The following RANBP17 variants were observed in gnomAD, a reference collection of about 807,000 sequenced individuals.
RANBP17 encodes ran-binding protein 17.
A neutral mutation model predicts 141.2 loss-of-function variants in RANBP17; 158 were observed. The ratio of observed to expected loss-of-function variants is 1.12; its 90% confidence interval spans 0.98 to 1.28. The LOEUF is 1.28. Ranked by LOEUF, RANBP17 falls within the 50% of genes most tolerant of loss-of-function variation. The pLI, the probability that RANBP17 is intolerant of heterozygous loss-of-function variation, is 0.00. For missense variants in RANBP17, 1,438 were observed against 1,290.7 expected (o/e 1.11, Z -1.75); for synonymous variants, 430 against 450.0 (o/e 0.96, Z 0.56).
intron 14 of RANBP17, among the ~76,000 whole-genome samples, chr5:171,043,188 C>G (rs1782362721): frequency 6.6e-6 from 1 of 152,128 alleles, no homozygotes; most frequent in Non-Finnish European, 1.5e-5. Context: ...AAGTATTCTT[C>G]TTTAAGAAAA....
At chr5:171,251,670 G>T (rs1275795721) in intron 24 of RANBP17, among the ~76,000 whole-genome samples, 1 of 152,188 alleles carries the variant, frequency 6.6e-6, no homozygotes, top group Non-Finnish European at 1.5e-5. Flanking sequence ...GACGAAGGCA[G>T]TGGCGGCCCA....
chr5:171,227,593 T>C (rs1190155078), intron 22 of RANBP17, among the ~76,000 whole-genome samples: 1 of 152,224 alleles, frequency 6.6e-6, no homozygotes, highest in East Asian at 1.9e-4. Flanking sequence ...CTAGCTAAGA[T>C]TCATTTTGAT....
At chr5:171,029,355 C>T (rs554583016) in intron 14 of RANBP17, among the ~76,000 whole-genome samples, 6 of 152,058 alleles carry the variant, frequency 3.9e-5, no homozygotes, top group South Asian at 2.1e-4. Flanking sequence ...TTATTTTATG[C>T]GTAAGAGTTT....
intron 5 of RANBP17, among the ~76,000 whole-genome samples, chr5:170,898,984 G>T (rs564264914): frequency 6.6e-6 from 1 of 152,082 alleles, no homozygotes; most frequent in Admixed American, 6.6e-5. Context: ...TTTTGCTTAG[G>T]ATTGTCTTGG....
chr5:170,983,038 C>A (rs1777880616), intron 14 of RANBP17: 1 of 487,260 alleles, frequency 2.1e-6, no homozygotes, highest in South Asian at 1.7e-5. Context: ...AAAGCCTCAA[C>A]TTTACTTCTC....
rs140224220 is a variant in RANBP17, at chr5:170,869,048, AAAAG to A, written c.18+7001_18+7004del. 3.9e-3 allele frequency among the ~76,000 whole-genome samples: 601 copies of A among 152,298 alleles called. 7 individuals carry two copies. The highest frequency in any genetic ancestry group is 0.014 in the African/African-American group (576 of 41,564). ...TTGATTTTCCCTTTGAGTCTTTTGT[AAAAG>A]AAAATTCAAACCTTTCCCTTTTTAT... On this transcript the variant is annotated intron_variant, in intron 1 of 27. Coordinates refer to ENST00000523189, the MANE Select transcript of RANBP17 (RefSeq NM_022897.5).
intron 14 of RANBP17, among the ~76,000 whole-genome samples, chr5:171,128,160 A>G (rs901858611): frequency 6.6e-5 from 10 of 152,222 alleles, no homozygotes; most frequent in Admixed American, 5.2e-4. Flanking sequence ...TCCGTCTCAA[A>G]AAAAAAGAAT....
chr5:171,113,218 T>C (rs183403897), intron 14 of RANBP17, among the ~76,000 whole-genome samples: 88 of 152,316 alleles, frequency 5.8e-4, no homozygotes, highest in African/African-American at 2.0e-3. Flanking sequence ...ATCACACATC[T>C]TTTCCCTGCC....
At chr5:171,055,898 A>AAC (rs1783325981) in intron 14 of RANBP17, among the ~76,000 whole-genome samples, 1 of 24,756 alleles carries the variant, frequency 4.0e-5, no homozygotes, top group African/African-American at 8.1e-5. Flanking sequence ...AAAAAAAAAC[A>AAC]AAAAAAAAAA....
At chr5:171,101,300 A>T (rs1787142674) in intron 14 of RANBP17, among the ~76,000 whole-genome samples, 1 of 152,180 alleles carries the variant, frequency 6.6e-6, no homozygotes, top group South Asian at 2.1e-4. Context: ...GTGCATATAT[A>T]TTTAAGATAG....
In RANBP17 at chr5:170,955,681, T is replaced by TATATATATAC. The variant is rs769742239; in HGVS notation, c.1574+1980_1574+1981insTATATATACA. Among the ~76,000 whole-genome samples, 9 of 39,094 alleles carry TATATATATAC rather than the reference T, an allele frequency of 2.3e-4. 3 individuals carry two copies. Among genetic ancestry groups the TATATATATAC allele is most frequent in the African/African-American group, 6.8e-4 (9 of 13,250 alleles). The allele number at this position is 39,094 out of a possible 152,430, so 25.6% of individuals were successfully genotyped here. ...ATATATATATATATATATATATATATACACTGAATGAACTCTGTAGAGGAA... is the reference window on the plus strand; with the variant it reads ...ATATATATATATATATATATATATATATATATATACACACTGAATGAACTCTGTAGAGGAA... On this transcript the variant is annotated intron_variant, in intron 13 of 27. Transcript: ENST00000523189.
Position 171,170,182 on chromosome 5 carries a change from T to C in RANBP17, c.1763T>C (p.Leu588Pro). 2 of 1,575,760 alleles carry C rather than the reference T, an allele frequency of 1.3e-6. No individual in the cohort carries two copies. The highest frequency in any genetic ancestry group is 1.7e-6 in the Non-Finnish European group (2 of 1,158,330). ...GGAATAACAGATGACAACCACGTTC[T>C]AGAGACGTTCATGACAAAAATGTGA... Reference protein sequence around the residue: ...VLGITDDNHVLETFMTKIVTN... With the variant: ...VLGITDDNHVPETFMTKIVTN... The change falls in exon 15 of 28, where the codon CTA (leucine) becomes CCA (proline). Residue 588 changes from leucine (L) to proline (P), a missense_variant. By Grantham distance (98) the Leu-to-Pro change is moderately conservative. Transcript: ENST00000523189.
chr5:171,097,934 G>T (rs1786822408), intron 14 of RANBP17, among the ~76,000 whole-genome samples: 1 of 151,942 alleles, frequency 6.6e-6, no homozygotes, highest in Non-Finnish European at 1.5e-5. Context: ...ATGGTTTCCA[G>T]CTTCATCCAT....
intron 12 of RANBP17, among the ~76,000 whole-genome samples, chr5:170,939,108 TA>T (rs1774118490): frequency 3.9e-5 from 1 of 25,574 alleles, no homozygotes; most frequent in Non-Finnish European, 1.5e-4. Context: ...CAGAAGGTGT[TA>T]GAATATTATT....
At chr5:171,059,260 A>T (rs985699715) in intron 14 of RANBP17, among the ~76,000 whole-genome samples, 7 of 151,980 alleles carry the variant, frequency 4.6e-5, no homozygotes, top group African/African-American at 1.7e-4. Context: ...CTGAATGGTA[A>T]TGCCTAGGTT....
chr5:171,193,135 A>C (rs1204639785), intron 18 of RANBP17, among the ~76,000 whole-genome samples: 1 of 152,170 alleles, frequency 6.6e-6, no homozygotes, highest in African/African-American at 2.4e-5. Context: ...CTCCTTGTTT[A>C]TCTCTCCTCT....
At chr5:171,294,479 C>T (rs1768698009) in intron 26 of RANBP17, among the ~76,000 whole-genome samples, 1 of 152,298 alleles carries the variant, frequency 6.6e-6, no homozygotes, top group South Asian at 2.1e-4. Context: ...TCTCCAGCTT[C>T]CTCTTGAACC....
intron 14 of RANBP17, among the ~76,000 whole-genome samples, chr5:171,110,636 G>GT (rs1464107766): frequency 1.3e-5 from 2 of 152,060 alleles, no homozygotes; most frequent in Non-Finnish European, 1.5e-5. Context: ...ACTTTTACAT[G>GT]TATACAGGAG....
At chr5:170,933,761 G>T (rs978348813) in intron 12 of RANBP17, among the ~76,000 whole-genome samples, 5 of 151,986 alleles carry the variant, frequency 3.3e-5, no homozygotes, top group Non-Finnish European at 7.4e-5. Flanking sequence ...TAGTTTGATT[G>T]CACTGTGGTC....
Sources: gnomAD v4.1 joint callset for allele counts (sites outside exome capture counted in the v4.1 genomes callset) on GRCh38, gnomAD v4.1.1 for gene constraint, MANE v1.5 for transcripts, NCBI Gene and HGNC (gene_info 2026-07-23, HGNC 2026-07-21) for gene names.